LDLRAD4: variants seen among roughly 807,000 people sequenced by gnomAD.
LDLRAD4 encodes low density lipoprotein receptor class A domain containing 4.
In LDLRAD4, 5 loss-of-function variants were observed where a neutral mutation model predicts 17.0. The observed-to-expected ratio is 0.29, with a 90% CI of 0.15 to 0.62. The LOEUF is 0.62. LDLRAD4 is among the 20% of genes least tolerant of loss of function. The pLI, the probability that LDLRAD4 is intolerant of heterozygous loss-of-function variation, is 0.84. For synonymous variants in LDLRAD4, 168 were observed against 171.8 expected, an observed-to-expected ratio of 0.98 and a Z score of 0.17; for missense variants, 340 against 424.7, an observed-to-expected ratio of 0.80 and a Z score of 1.75.
At chr18:13,393,481 C>T (rs1347000487) in intron 2 of LDLRAD4, among the ~76,000 whole-genome samples, 2 of 152,122 alleles carry the variant, frequency 1.3e-5, no homozygotes, top group African/African-American at 2.4e-5. Context: ...TTTTGGGGGT[C>T]GCCTCCTGCC....
intron 1 of LDLRAD4, among the ~76,000 whole-genome samples, chr18:13,330,710 C>T (rs751285491): frequency 2.0e-5 from 3 of 152,180 alleles, no homozygotes; most frequent in South Asian, 2.1e-4. Flanking sequence ...TTTTAATGAC[C>T]GACTGATGGG....
At chr18:13,262,774 T>C (rs1209896859) in intron 1 of LDLRAD4, among the ~76,000 whole-genome samples, 4 of 93,608 alleles carry the variant, frequency 4.3e-5, no homozygotes, top group African/African-American at 6.0e-5. Context: ...GCGTGGGGGC[T>C]GAGTCCCGTG....
chr18:13,606,612 A>T (rs1195046089), intron 3 of LDLRAD4, among the ~76,000 whole-genome samples: 1 of 152,236 alleles, frequency 6.6e-6, no homozygotes, highest in Non-Finnish European at 1.5e-5. Context: ...ACGCTAGAAG[A>T]TTATTCCATG....
At chr18:13,411,082 C>G (rs979613463) in intron 2 of LDLRAD4, among the ~76,000 whole-genome samples, 1 of 152,112 alleles carries the variant, frequency 6.6e-6, no homozygotes, top group Non-Finnish European at 1.5e-5. Context: ...AAAATCCCGT[C>G]TCTACTAAAA....
At chr18:13,298,134 G>C (rs2046371694) in intron 1 of LDLRAD4, among the ~76,000 whole-genome samples, 1 of 152,228 alleles carries the variant, frequency 6.6e-6, no homozygotes, top group Non-Finnish European at 1.5e-5. Context: ...CAGGGCTCTG[G>C]TTCCAGGGTG....
In LDLRAD4 at chr18:13,448,668, G is replaced by A. The variant is rs535267769; in HGVS notation, c.181+10284G>A. Among the ~76,000 whole-genome samples the A allele has an allele frequency of 7.2e-5, 11 of 152,210 alleles. No individual in the cohort carries two copies. In the East Asian group the frequency reaches 2.1e-3, roughly 29 times the overall value. ...GGGGGGCGGAGGCTGGGGGACCACC[G>A]ATAAGGCGGGAGGTGACGCAGCAGC... On this transcript the variant is annotated intron_variant, in intron 3 of 5. Transcript: ENST00000359446.
chr18:13,460,393 G>A (rs1016927959), intron 3 of LDLRAD4, among the ~76,000 whole-genome samples: 3 of 152,016 alleles, frequency 2.0e-5, no homozygotes, highest in South Asian at 2.1e-4. Context: ...GGGTCTCACC[G>A]TTTTGCCCAG....
chr18:13,457,464 G>T lies in LDLRAD4; in HGVS notation c.181+19080G>T, dbSNP rs934917416. On this transcript the variant is annotated intron_variant, in intron 3 of 5. Coordinates refer to ENST00000359446, the Ensembl canonical transcript of LDLRAD4. ...CTTCTTGATGTCAGCTTTCTTCCCC[G>T]CTGGTGGGGATGGGGCCTTCTCTGA... Among the ~76,000 whole-genome samples the T allele has an allele frequency of 2.0e-5, 3 of 152,286 alleles. No individual in the cohort carries two copies. The East Asian group carries it at 5.8e-4, about 29-fold the overall frequency.
At chr18:13,422,127 C>G (rs1224915551) in intron 2 of LDLRAD4, among the ~76,000 whole-genome samples, 1 of 152,238 alleles carries the variant, frequency 6.6e-6, no homozygotes, top group African/African-American at 2.4e-5. Flanking sequence ...ATATGTGTTT[C>G]TCGGATTCAT....
chr18:13,350,168 A>G (rs1464456205), intron 1 of LDLRAD4, among the ~76,000 whole-genome samples: 1 of 152,168 alleles, frequency 6.6e-6, no homozygotes, highest in Non-Finnish European at 1.5e-5. Flanking sequence ...GCTGGGTCAA[A>G]TGGTATTTCT....
Position 13,642,924 on chromosome 18 carries a change from TTTTG to T in LDLRAD4, c.337-431_337-428del, listed in dbSNP as rs1395069828. On this transcript the variant is annotated intron_variant, in intron 4 of 5. Coordinates refer to ENST00000359446, the Ensembl canonical transcript of LDLRAD4. ...TTGTTTGTTTGTTTGTTTATCTATT[TTTTG>T]TTTTTTTTTTTTCTTCTGTTTTTTT... is the stretch of plus-strand genomic sequence containing the variant. 3.7e-3 allele frequency among the ~76,000 whole-genome samples: 446 copies of T among 120,530 alleles called. 1 individual carries two copies. Among genetic ancestry groups the T allele is most frequent in the African/African-American group, 0.019 (429 of 22,222 alleles). The allele number at this position is 120,530 out of a possible 152,430, so 79.1% of individuals were successfully genotyped here. A position where few individuals can be genotyped will look rare whatever the true frequency, so the allele number is the denominator to read the frequency against.
At chr18:13,317,081 C>T (rs1488781076) in intron 1 of LDLRAD4, among the ~76,000 whole-genome samples, 1 of 152,050 alleles carries the variant, frequency 6.6e-6, no homozygotes, top group Admixed American at 6.6e-5. Context: ...AGAAGGATGC[C>T]CGGTGCACAC....
At chr18:13,384,640 C>T (rs1386282403) in intron 1 of LDLRAD4, among the ~76,000 whole-genome samples, 1 of 152,124 alleles carries the variant, frequency 6.6e-6, no homozygotes, top group Non-Finnish European at 1.5e-5. Flanking sequence ...TTTCAGATTC[C>T]ACCTATAAGT....
At chr18:13,578,654 C>A (rs1273256073) in intron 3 of LDLRAD4, among the ~76,000 whole-genome samples, 1 of 152,126 alleles carries the variant, frequency 6.6e-6, no homozygotes, top group Non-Finnish European at 1.5e-5. Context: ...GCAGATCGTG[C>A]ACACAGCTGA....
At chr18:13,256,675 T>C (rs2043520236) in intron 1 of LDLRAD4, among the ~76,000 whole-genome samples, 1 of 152,216 alleles carries the variant, frequency 6.6e-6, no homozygotes, top group Admixed American at 6.5e-5. Flanking sequence ...TCCAGCAATC[T>C]GGCACCCCAT....
chr18:13,251,187 A>AT (rs2043207307), intron 1 of LDLRAD4, among the ~76,000 whole-genome samples: 1 of 152,228 alleles, frequency 6.6e-6, no homozygotes, highest in East Asian at 1.9e-4. Flanking sequence ...CCCATTCATG[A>AT]TAAAAACTCC....
At chr18:13,572,876 C>A (rs1038618460) in intron 3 of LDLRAD4, among the ~76,000 whole-genome samples, 2 of 152,174 alleles carry the variant, frequency 1.3e-5, no homozygotes, top group East Asian at 1.9e-4. Flanking sequence ...TGTCCCTTCC[C>A]GATAGCAGCA....
intron 1 of LDLRAD4, among the ~76,000 whole-genome samples, chr18:13,363,536 T>G (rs9960178): frequency 0.068 from 10,272 of 152,168 alleles, 929 homozygotes; most frequent in African/African-American, 0.21. Flanking sequence ...AAACCTGTTA[T>G]GCATCGTGTC....
intron 3 of LDLRAD4, among the ~76,000 whole-genome samples, chr18:13,549,979 G>A (rs74786230): frequency 1.3e-5 from 2 of 152,172 alleles, no homozygotes; most frequent in Non-Finnish European, 2.9e-5. Flanking sequence ...ATTCTGCCTC[G>A]TGGATTCTTC....
Sources: gnomAD v4.1 joint callset for allele counts (sites outside exome capture counted in the v4.1 genomes callset) on GRCh38, gnomAD v4.1.1 for gene constraint, MANE v1.5 for transcripts, NCBI Gene and HGNC (gene_info 2026-07-23, HGNC 2026-07-21) for gene names.